LHFPL6: variants seen among roughly 807,000 people sequenced by gnomAD.
LHFPL6 encodes the protein LHFPL tetraspan subfamily member 6 protein.
A neutral mutation model predicts 20.6 loss-of-function variants in LHFPL6; 9 were observed. The observed-to-expected ratio is 0.44, with a 90% CI of 0.26 to 0.76. The LOEUF (loss-of-function observed/expected upper bound fraction) is 0.76. Ranked by LOEUF, LHFPL6 falls within the 30% of genes least tolerant of loss-of-function variation. The probability of loss-of-function intolerance (pLI) is 0.20; values close to 1 mark genes in which losing one functional copy is unlikely to be tolerated. For synonymous variants in LHFPL6, 105 were observed against 98.7 expected, an observed-to-expected ratio of 1.06 and a Z score of -0.38; for missense variants, 218 against 253.5, an observed-to-expected ratio of 0.86 and a Z score of 0.95.
At chr13:39,469,474 C>T (rs1256710116) in intron 2 of LHFPL6, among the ~76,000 whole-genome samples, 1 of 152,170 alleles carries the variant, frequency 6.6e-6, no homozygotes, top group Non-Finnish European at 1.5e-5. Flanking sequence ...TAGGCAGCTC[C>T]CCTGATGCTT....
intron 2 of LHFPL6, among the ~76,000 whole-genome samples, chr13:39,498,497 T>C (rs141140025): frequency 1.8e-4 from 27 of 152,348 alleles, no homozygotes; most frequent in African/African-American, 6.0e-4. Flanking sequence ...GGCCCCTTTT[T>C]CTCGTTCAGA....
In LHFPL6 at chr13:39,517,522, C is replaced by G. The variant is rs559332636; in HGVS notation, c.385+83310G>C. Among the ~76,000 whole-genome samples, 10 of 152,312 alleles carry G rather than the reference C, an allele frequency of 6.6e-5. No homozygotes were observed. The South Asian group carries it at 2.1e-3, about 32-fold the overall frequency. Reference sequence around the variant, plus strand: ...TTGTCTATACTGAAGATCCCAAATACATGTCTTCAGCCCATTTTTCCTGAG... The same window carrying G: ...TTGTCTATACTGAAGATCCCAAATAGATGTCTTCAGCCCATTTTTCCTGAG... On this transcript the variant is annotated intron_variant, in intron 2 of 3. Coordinates refer to ENST00000379589, the MANE Select transcript of LHFPL6 (RefSeq NM_005780.3).
rs552642852 is a variant in LHFPL6, at chr13:39,595,711, G to C, written c.385+5121C>G. On this transcript the variant is annotated intron_variant, in intron 2 of 3. Transcript: ENST00000379589. ...TCAGTGTTCGTGGTTGTGATGAAAG[G>C]CATGGTCTGTGGCCCTAAAAAGTAT... Among the ~76,000 whole-genome samples the C allele has an allele frequency of 2.3e-4, 35 of 151,990 alleles. No individual in the cohort carries two copies. The East Asian group carries it at 3.3e-3, about 14-fold the overall frequency.
intron 2 of LHFPL6, among the ~76,000 whole-genome samples, chr13:39,465,892 G>A (rs1872792278): frequency 6.6e-6 from 1 of 152,036 alleles, no homozygotes; most frequent in Non-Finnish European, 1.5e-5. Context: ...CAAGGTGTAT[G>A]TCTGGAAGAT....
intron 2 of LHFPL6, among the ~76,000 whole-genome samples, chr13:39,465,844 A>C (rs1366967476): frequency 6.6e-6 from 1 of 152,076 alleles, no homozygotes; most frequent in African/African-American, 2.4e-5. Context: ...AGTTCCTTTC[A>C]CTGCAAAAGA....
intron 3 of LHFPL6, among the ~76,000 whole-genome samples, chr13:39,369,618 C>G (rs1870114739): frequency 6.6e-6 from 1 of 150,562 alleles, no homozygotes; most frequent in Admixed American, 6.6e-5. Context: ...TCCCTCCCTT[C>G]CTTCCCCCTT....
chr13:39,569,156 C>CGGATGGAT (rs59443260), intron 2 of LHFPL6, among the ~76,000 whole-genome samples: 2,387 of 97,332 alleles, frequency 0.025, 50 homozygotes, highest in African/African-American at 0.078. Context: ...GATGGACGGA[C>CGGATGGAT]GGATGGATGG....
intron 3 of LHFPL6, among the ~76,000 whole-genome samples, chr13:39,364,975 T>C (rs562078308): frequency 2.0e-5 from 3 of 152,310 alleles, no homozygotes; most frequent in Non-Finnish European, 4.4e-5. Context: ...AGTGGTGGCC[T>C]TTGTGTTCAC....
At chr13:39,461,432 G>A (rs1423828965) in intron 2 of LHFPL6, among the ~76,000 whole-genome samples, 1 of 152,172 alleles carries the variant, frequency 6.6e-6, no homozygotes. Flanking sequence ...CACAGTGGCT[G>A]AACTAATCTC....
intron 2 of LHFPL6, among the ~76,000 whole-genome samples, chr13:39,557,011 AC>A (rs1188997874): frequency 6.6e-6 from 1 of 152,130 alleles, no homozygotes; most frequent in Non-Finnish European, 1.5e-5. Context: ...AGTCTGGAAA[AC>A]TTGCAGCCTG....
At chr13:39,550,495 T>G (rs1022353879) in intron 2 of LHFPL6, among the ~76,000 whole-genome samples, 2 of 152,160 alleles carry the variant, frequency 1.3e-5, no homozygotes, top group Non-Finnish European at 2.9e-5. Context: ...ATTTGTATAT[T>G]GGAGTGATAA....
At chr13:39,491,629 C>T (rs184531455) in intron 2 of LHFPL6, among the ~76,000 whole-genome samples, 259 of 152,216 alleles carry the variant, frequency 1.7e-3, no homozygotes, top group African/African-American at 5.9e-3. Flanking sequence ...ATTAAATCCT[C>T]GGAAGGACTC....
At chr13:39,599,756 A>G (rs1360213665) in intron 2 of LHFPL6, among the ~76,000 whole-genome samples, 1 of 152,234 alleles carries the variant, frequency 6.6e-6, no homozygotes, top group Non-Finnish European at 1.5e-5. Context: ...ATACTCTGAA[A>G]TAATCCATTG....
At chr13:39,490,985 C>G (rs1329782634) in intron 2 of LHFPL6, among the ~76,000 whole-genome samples, 1 of 152,172 alleles carries the variant, frequency 6.6e-6, no homozygotes, top group African/African-American at 2.4e-5. Context: ...GAGGGTCACT[C>G]TGCTATTTAA....
intron 2 of LHFPL6, among the ~76,000 whole-genome samples, chr13:39,439,503 T>C (rs1872056022): frequency 5.9e-5 from 9 of 152,114 alleles, no homozygotes; most frequent in Admixed American, 5.9e-4. Context: ...TGATTGTATT[T>C]TGCAATGTGA....
At chr13:39,450,527 C>T (rs535925213) in intron 2 of LHFPL6, among the ~76,000 whole-genome samples, 2 of 152,126 alleles carry the variant, frequency 1.3e-5, no homozygotes, top group African/African-American at 4.8e-5. Flanking sequence ...AGATATCTAC[C>T]TAGATATGGC....
At chr13:39,366,971 A>C (rs1389500747) in intron 3 of LHFPL6, among the ~76,000 whole-genome samples, 1 of 152,254 alleles carries the variant, frequency 6.6e-6, no homozygotes, top group Admixed American at 6.5e-5. Flanking sequence ...CTACACAAAC[A>C]TCTTCGAAAT....
intron 2 of LHFPL6, among the ~76,000 whole-genome samples, chr13:39,463,001 T>C (rs1490112797): frequency 1.3e-5 from 2 of 152,082 alleles, no homozygotes; most frequent in African/African-American, 4.8e-5. Context: ...GAAAGAAAAG[T>C]AGCTCCCAAG....
chr13:39,446,334 T>A (rs1190962725), intron 2 of LHFPL6, among the ~76,000 whole-genome samples: 1 of 152,192 alleles, frequency 6.6e-6, no homozygotes, highest in Non-Finnish European at 1.5e-5. Context: ...CAGAACCATT[T>A]AGTTGAAAGG....
Sources: allele counts gnomAD v4.1 joint callset (sites outside exome capture counted in the v4.1 genomes callset), GRCh38; gene constraint gnomAD v4.1.1; transcripts MANE v1.5; gene names NCBI Gene and HGNC (gene_info 2026-07-23, HGNC 2026-07-21).